PEBP4: variants seen among roughly 807,000 people sequenced by gnomAD.
PEBP4 encodes phosphatidylethanolamine-binding protein 4.
A neutral mutation model predicts 23.9 loss-of-function variants in PEBP4; 22 were observed. The observed-to-expected ratio is 0.92, with a 90% CI of 0.66 to 1.31. PEBP4 has a LOEUF of 1.31. Ranked by LOEUF, PEBP4 falls within the 40% of genes most tolerant of loss-of-function variation. The pLI is 0.00. For synonymous variants in PEBP4, 112 were observed against 99.3 expected (o/e 1.13, Z -0.76); for missense variants, 324 against 281.7 (o/e 1.15, Z -1.07).
intron 4 of PEBP4, among the ~76,000 whole-genome samples, chr8:22,769,298 A>G (rs1434829403): frequency 2.0e-5 from 3 of 152,158 alleles, no homozygotes; most frequent in Non-Finnish European, 4.4e-5. Context: ...ACAGGCCAGG[A>G]GGCTACCTGA....
At chr8:22,891,778 A>G (rs959254662) in intron 3 of PEBP4, among the ~76,000 whole-genome samples, 4 of 152,342 alleles carry the variant, frequency 2.6e-5, no homozygotes, top group Admixed American at 2.0e-4. Flanking sequence ...TCTCAGCTTA[A>G]GAAGCCAGGG....
Position 22,864,854 on chromosome 8 carries a change from C to A in PEBP4, c.259-47119G>T, listed in dbSNP as rs1211483419. Among the ~76,000 whole-genome samples the A allele has an allele frequency of 2.0e-5, 3 of 152,204 alleles. No individual in the cohort carries two copies. In the East Asian group the frequency reaches 5.8e-4, roughly 29 times the overall value. ...ACGGGGGCCGCTGGGCACCGCCGAG[C>A]GCCAGGCTGGTGAACTGACCCGCAG... is the stretch of plus-strand genomic sequence containing the variant. On this transcript the variant is annotated intron_variant, in intron 3 of 6. Coordinates refer to ENST00000256404, the MANE Select transcript of PEBP4 (RefSeq NM_144962.3).
chr8:22,803,356 T>G (rs1450262968), intron 4 of PEBP4, among the ~76,000 whole-genome samples: 1 of 152,060 alleles, frequency 6.6e-6, no homozygotes, highest in African/African-American at 2.4e-5. Flanking sequence ...CTCATTTCAA[T>G]CTCTCACTTA....
chr8:22,906,964 G>A (rs993549485), intron 3 of PEBP4, among the ~76,000 whole-genome samples: 5 of 152,212 alleles, frequency 3.3e-5, no homozygotes, highest in African/African-American at 1.2e-4. Flanking sequence ...AGGTGAACAC[G>A]AAGGAAAGAA....
intron 3 of PEBP4, among the ~76,000 whole-genome samples, chr8:22,840,224 A>G (rs542348559): frequency 3.3e-5 from 5 of 152,014 alleles, no homozygotes; most frequent in Admixed American, 6.6e-5. Context: ...ACTTCATATT[A>G]CCCTCTAAAC....
rs143806403 is a variant in PEBP4, at chr8:22,761,613, C to T, written c.358-34393G>A. Among the ~76,000 whole-genome samples, 289 of 152,328 alleles carry T rather than the reference C, an allele frequency of 1.9e-3. 2 individuals are homozygous for T. The highest frequency in any genetic ancestry group is 3.2e-3 in the Non-Finnish European group (216 of 68,032). ...ATGTCAGCAAGGAGCACTGATTTGT[C>T]TAAGCATGGATCACATTGTTTCAGA... On this transcript the variant is annotated intron_variant, in intron 4 of 6. Transcript: ENST00000256404.
chr8:22,837,631 TC>T (rs1488687007), intron 3 of PEBP4, among the ~76,000 whole-genome samples: 1 of 152,112 alleles, frequency 6.6e-6, no homozygotes, highest in African/African-American at 2.4e-5. Flanking sequence ...GTTTCTGATC[TC>T]CAGTGTGATT....
At chr8:22,824,298 G>C (rs1806922973) in intron 3 of PEBP4, among the ~76,000 whole-genome samples, 1 of 152,078 alleles carries the variant, frequency 6.6e-6, no homozygotes, top group Non-Finnish European at 1.5e-5. Flanking sequence ...AGAAATCCCA[G>C]AACCCTCATT....
chr8:22,793,798 G>A (rs1365346619), intron 4 of PEBP4, among the ~76,000 whole-genome samples: 2 of 151,978 alleles, frequency 1.3e-5, no homozygotes, highest in Non-Finnish European at 2.9e-5. Context: ...TAAATTTAGT[G>A]TACATTTCTA....
chr8:22,725,774 A>T (rs1804611438), intron 5 of PEBP4, among the ~76,000 whole-genome samples: 1 of 152,188 alleles, frequency 6.6e-6, no homozygotes. Context: ...GTGGGAAAGA[A>T]GCATTTGCAA....
intron 4 of PEBP4, among the ~76,000 whole-genome samples, chr8:22,781,212 C>T (rs1014645477): frequency 2.6e-5 from 4 of 152,340 alleles, no homozygotes; most frequent in Admixed American, 6.5e-5. Flanking sequence ...CTGCCCACCA[C>T]GTTTGGATGC....
intron 3 of PEBP4, among the ~76,000 whole-genome samples, chr8:22,902,862 CAGG>C (rs1278981163): frequency 1.3e-5 from 2 of 152,190 alleles, no homozygotes; most frequent in African/African-American, 4.8e-5. Context: ...GGAACTTTTC[CAGG>C]AGAACAGAAG....
chr8:22,828,258 A>G (rs1563229714), intron 3 of PEBP4, among the ~76,000 whole-genome samples: 1 of 152,080 alleles, frequency 6.6e-6, no homozygotes, highest in Non-Finnish European at 1.5e-5. Context: ...CTCATTCTTG[A>G]ACTTCTGGTT....
chr8:22,852,953 A>T (rs1807576996), intron 3 of PEBP4, among the ~76,000 whole-genome samples: 1 of 152,254 alleles, frequency 6.6e-6, no homozygotes, highest in African/African-American at 2.4e-5. Flanking sequence ...ACAGGGCATC[A>T]TTAGCGCAGC....
At chr8:22,715,391 T>C (rs1241173404) in intron 6 of PEBP4, among the ~76,000 whole-genome samples, 2 of 152,172 alleles carry the variant, frequency 1.3e-5, no homozygotes, top group Non-Finnish European at 1.5e-5. Context: ...AACGAGTGTG[T>C]GCACACACAT....
chr8:22,717,158 C>T (rs1052103951), intron 6 of PEBP4, among the ~76,000 whole-genome samples: 1 of 152,184 alleles, frequency 6.6e-6, no homozygotes, highest in Non-Finnish European at 1.5e-5. Flanking sequence ...CCTCAGCCTC[C>T]TGAGTAGCTG....
At chr8:22,939,420 A>C (rs1013488386) in intron 1 of PEBP4, among the ~76,000 whole-genome samples, 1 of 152,174 alleles carries the variant, frequency 6.6e-6, no homozygotes, top group Non-Finnish European at 1.5e-5. Context: ...AGATGGACTA[A>C]ATGGAAGTAA....
At chr8:22,715,162 G>T (rs1229475078) in intron 6 of PEBP4, among the ~76,000 whole-genome samples, 1 of 152,188 alleles carries the variant, frequency 6.6e-6, no homozygotes, top group South Asian at 2.1e-4. Context: ...TGGGGCCCAG[G>T]GGGGCTGGAA....
intron 3 of PEBP4, among the ~76,000 whole-genome samples, chr8:22,853,429 T>C (rs1807585471): frequency 6.6e-6 from 1 of 152,248 alleles, no homozygotes; most frequent in South Asian, 2.1e-4. Flanking sequence ...CACTGGAGTT[T>C]ACTGCAAAGT....
Sources: gnomAD v4.1 joint callset for allele counts (sites outside exome capture counted in the v4.1 genomes callset) on GRCh38, gnomAD v4.1.1 for gene constraint, MANE v1.5 for transcripts, NCBI Gene and HGNC (gene_info 2026-07-23, HGNC 2026-07-21) for gene names.